Variants in ZNF804B observed in about 807,000 individuals in gnomAD.
ZNF804B encodes the protein zinc finger protein 804B.
Under a neutral mutation model 101.4 loss-of-function variants are expected in ZNF804B, and 80 were observed. The ratio of observed to expected loss-of-function variants is 0.79; its 90% CI spans 0.66 to 0.95. The LOEUF (loss-of-function observed/expected upper bound fraction) is 0.95. ZNF804B is among the 40% of genes least tolerant of loss of function. The probability of loss-of-function intolerance (pLI) is 0.00; values close to 1 mark genes in which losing one functional copy is unlikely to be tolerated. For missense variants in ZNF804B, 1,673 were observed against 1,561.9 expected, an observed-to-expected ratio of 1.07 and a Z score of -1.20; for synonymous variants, 622 against 558.8, an observed-to-expected ratio of 1.11 and a Z score of -1.59.
Position 89,161,423 on chromosome 7 carries a change from A to C in ZNF804B, c.109-56732A>C, listed in dbSNP as rs79118598. 6.0e-3 allele frequency among the ~76,000 whole-genome samples: 913 copies of C among 152,214 alleles called. 10 individuals carry two copies. The highest frequency in any genetic ancestry group is 0.021 in the African/African-American group (863 of 41,562). ...TCCCCATTGGAATAAACTAATCCAC[A>C]TGAAATAATGGCTTATGTAATATAA... On this transcript the variant is annotated intron_variant, in intron 1 of 3. Coordinates refer to ENST00000333190, the MANE Select transcript of ZNF804B (RefSeq NM_181646.5).
intron 1 of ZNF804B, among the ~76,000 whole-genome samples, chr7:89,191,877 C>T (rs867604437): frequency 7.2e-5 from 11 of 151,780 alleles, no homozygotes; most frequent in Non-Finnish European, 1.2e-4. Context: ...CAGTTCATCC[C>T]GTAAGAATAG....
Position 88,794,602 on chromosome 7 carries a change from T to A in ZNF804B, c.108+34518T>A, listed in dbSNP as rs143550892. ...TGTTTCATCTTTGACATGGCCAATA[T>A]AATCTAAAAGAACTTTGTAGAGAGT... On this transcript the variant is annotated intron_variant, in intron 1 of 3. Transcript: ENST00000333190. 79 of 1,613,516 alleles carry A rather than the reference T, an allele frequency of 4.9e-5. No homozygotes were observed. In the African/African-American group the frequency reaches 9.6e-4, roughly 20 times the overall value.
intron 2 of ZNF804B, among the ~76,000 whole-genome samples, chr7:89,313,083 C>T (rs1790668041): frequency 6.6e-6 from 1 of 152,146 alleles, no homozygotes; most frequent in Non-Finnish European, 1.5e-5. Context: ...TTTGAATCCA[C>T]AAAATGACAC....
chr7:88,929,287 G>C (rs922937189), intron 1 of ZNF804B, among the ~76,000 whole-genome samples: 1 of 151,518 alleles, frequency 6.6e-6, no homozygotes, highest in African/African-American at 2.4e-5. Context: ...AGGCAACAGA[G>C]AGTCCAGTCA....
At chr7:89,111,796 T>C (rs1204805082) in intron 1 of ZNF804B, among the ~76,000 whole-genome samples, 2 of 152,318 alleles carry the variant, frequency 1.3e-5, no homozygotes, top group East Asian at 3.9e-4. Context: ...AACACAAAAA[T>C]GTGAATATAT....
intron 1 of ZNF804B, among the ~76,000 whole-genome samples, chr7:89,068,568 A>G (rs190064329): frequency 2.0e-5 from 3 of 152,292 alleles, no homozygotes; most frequent in Admixed American, 6.5e-5. Flanking sequence ...TATGCAAGGC[A>G]TTGGCTGCAT....
At chr7:89,216,167 C>A (rs1316986972) in intron 1 of ZNF804B, among the ~76,000 whole-genome samples, 2 of 151,610 alleles carry the variant, frequency 1.3e-5, no homozygotes, top group Non-Finnish European at 2.9e-5. Flanking sequence ...CGTAGCTGGG[C>A]GCGGTGGCGC....
chr7:89,017,066 A>C (rs368729844), intron 1 of ZNF804B, among the ~76,000 whole-genome samples: 2 of 151,964 alleles, frequency 1.3e-5, no homozygotes, highest in South Asian at 4.1e-4. Flanking sequence ...CTTGTAAGTT[A>C]GATTCCTAGG....
rs1789868686 is a variant in ZNF804B at position 88,760,017 on chromosome 7, A to G, written c.41A>G (p.Asn14Ser). Residue 14 changes from asparagine to serine, a missense_variant, in exon 1 of 4, where the codon AAT becomes AGT. Physicochemically the swap from Asn to Ser is conservative, Grantham distance 46 (BLOSUM62 1). Transcript: ENST00000333190. ...YLVISSRHLS[N>S]GHYRGIKGVF... Reference sequence around the variant, plus strand: ...GTCATCAGTTCGAGACATCTCAGCAATGGGCACTACCGGGGCATTAAAGGA... The same window carrying G: ...GTCATCAGTTCGAGACATCTCAGCAGTGGGCACTACCGGGGCATTAAAGGA... 1 of 1,614,074 alleles carries G rather than the reference A, an allele frequency of 6.2e-7. No individual in the cohort carries two copies. The highest frequency in any genetic ancestry group is 1.3e-5 in the African/African-American group (1 of 74,944).
At chr7:88,821,055 T>C (rs1790973531) in intron 1 of ZNF804B, among the ~76,000 whole-genome samples, 1 of 152,202 alleles carries the variant, frequency 6.6e-6, no homozygotes, top group Non-Finnish European at 1.5e-5. Flanking sequence ...TAAATCATTG[T>C]CAGTCAATTC....
chr7:89,080,740 G>A (rs953488374), intron 1 of ZNF804B, among the ~76,000 whole-genome samples: 1 of 151,888 alleles, frequency 6.6e-6, no homozygotes, highest in African/African-American at 2.4e-5. Flanking sequence ...AGGAATAGGA[G>A]GTGACATCGA....
chr7:88,817,212 C>T (rs1790894933), intron 1 of ZNF804B, among the ~76,000 whole-genome samples: 1 of 151,976 alleles, frequency 6.6e-6, no homozygotes, highest in Admixed American at 6.6e-5. Context: ...AGGGGAACAT[C>T]ACACAGTGGG....
intron 1 of ZNF804B, among the ~76,000 whole-genome samples, chr7:88,850,066 T>A (rs1490537507): frequency 6.6e-6 from 1 of 152,158 alleles, no homozygotes; most frequent in Non-Finnish European, 1.5e-5. Flanking sequence ...CTATATCAGA[T>A]AATAGACTAG....
At chr7:88,897,213 A>C (rs1792304578) in intron 1 of ZNF804B, among the ~76,000 whole-genome samples, 1 of 152,156 alleles carries the variant, frequency 6.6e-6, no homozygotes, top group South Asian at 2.1e-4. Flanking sequence ...AAATGGGGAG[A>C]TCATCCTGGA....
At chr7:89,320,819 C>A (rs1790806807) in intron 2 of ZNF804B, among the ~76,000 whole-genome samples, 1 of 151,874 alleles carries the variant, frequency 6.6e-6, no homozygotes, top group Non-Finnish European at 1.5e-5. Context: ...AAGAAGATAG[C>A]AGACATTTTA....
chr7:89,277,486 T>A (rs1204447088), intron 2 of ZNF804B, among the ~76,000 whole-genome samples: 3 of 4,558 alleles, frequency 6.6e-4, no homozygotes, highest in African/African-American at 2.7e-3. Context: ...CCCTCCCCCC[T>A]CCCCCCTCCC....
intron 2 of ZNF804B, among the ~76,000 whole-genome samples, chr7:89,268,572 CT>C (rs139631184): frequency 2.7e-5 from 4 of 150,752 alleles, no homozygotes; most frequent in East Asian, 3.9e-4. Context: ...ATTTATTTTT[CT>C]TTTTTTTTCA....
chr7:89,104,406 G>A (rs544599720), intron 1 of ZNF804B, among the ~76,000 whole-genome samples: 23 of 151,946 alleles, frequency 1.5e-4, no homozygotes, highest in Non-Finnish European at 2.1e-4. Flanking sequence ...CTGATTCAAT[G>A]TTCTTCTTCA....
At chr7:89,182,622 A>C (rs1481202985) in intron 1 of ZNF804B, among the ~76,000 whole-genome samples, 1 of 152,156 alleles carries the variant, frequency 6.6e-6, no homozygotes, top group African/African-American at 2.4e-5. Flanking sequence ...ACTCCAGAGA[A>C]CTCAAAAAGG....
Sources: allele counts gnomAD v4.1 joint callset (sites outside exome capture counted in the v4.1 genomes callset), GRCh38; gene constraint gnomAD v4.1.1; transcripts MANE v1.5; gene names NCBI Gene and HGNC (gene_info 2026-07-23, HGNC 2026-07-21).